Variants in FSD1L observed in about 807,000 individuals in gnomAD.
FSD1L encodes fibronectin type III and SPRY domain containing 1 like.
FSD1L carries 45 observed loss-of-function variants against 71.6 expected under a neutral mutation model. That is an observed-to-expected ratio of 0.63 (90% CI 0.49 to 0.81). The LOEUF is 0.81. FSD1L is among the 30% of genes least tolerant of loss of function. The pLI, the probability that FSD1L is intolerant of heterozygous loss-of-function variation, is 0.00. For missense variants in FSD1L, 561 were observed against 618.1 expected (o/e 0.91, Z 0.98); for synonymous variants, 197 against 207.2 (o/e 0.95, Z 0.42).
At chr9:105,542,086 A>G (rs1417359451) in intron 13 of FSD1L, among the ~76,000 whole-genome samples, 1 of 152,226 alleles carries the variant, frequency 6.6e-6, no homozygotes, top group Non-Finnish European at 1.5e-5. Flanking sequence ...ATAAGCATTT[A>G]CATATGGGAT....
chr9:105,506,440 G>A lies in FSD1L; in HGVS notation c.628G>A (p.Ala210Thr). ...GATAGATCCAGTAGAGTGTTTGGTG[G>A]CAGATAACTCTGTAACAGTGGCTTG... ...PEIDPVECLV[A>T]DNSVTVAWRM... is the part of the protein sequence containing the mutation. Residue 210 changes from alanine (A) to threonine (T), a missense_variant, in exon 8 of 14, where the codon GCA becomes ACA. By Grantham distance (58) the Ala-to-Thr change is moderately conservative. Transcript: ENST00000481272. The A allele has an allele frequency of 1.3e-6, 2 of 1,551,798 alleles. No homozygotes were observed. Among genetic ancestry groups the A allele is most frequent in the Non-Finnish European group, 8.7e-7 (1 of 1,146,994 alleles).
chr9:105,515,299 G>A (rs1834643685), intron 10 of FSD1L, among the ~76,000 whole-genome samples: 1 of 152,176 alleles, frequency 6.6e-6, no homozygotes, highest in Admixed American at 6.5e-5. Flanking sequence ...CTGGCTGGAA[G>A]TTTGTGGCTA....
At chr9:105,499,489 A>T (rs1833635857) in intron 7 of FSD1L, among the ~76,000 whole-genome samples, 1 of 151,234 alleles carries the variant, frequency 6.6e-6, no homozygotes, top group East Asian at 1.9e-4. Context: ...TGTCTGAGAG[A>T]GTTTTTATTT....
chr9:105,463,087 G>A (rs1212271650), intron 2 of FSD1L, among the ~76,000 whole-genome samples: 2 of 151,362 alleles, frequency 1.3e-5, no homozygotes, highest in Non-Finnish European at 2.9e-5. Context: ...GCAGTGAGCC[G>A]AGATCACGCC....
Position 105,546,358 on chromosome 9 carries a change from G to A in FSD1L, c.1468G>A (p.Val490Ile). The change falls in exon 14 of 14, where the codon GTA (valine) becomes ATA (isoleucine). Residue 490 changes from valine to isoleucine, a missense_variant and splice_region_variant. Val to Ile is a conservative substitution (Grantham distance 29). This residue lies in a region of FSD1L where 98 missense variants were observed against 102.3 expected (regional missense o/e 0.96). Transcript: ENST00000481272. Reference protein sequence around the residue: ...FTQPVLPGFMVWCGGLSLSTG... With the variant: ...FTQPVLPGFMIWCGGLSLSTG... ...GACAGGTTTTTTTGTCTTTTCTTAGGTATGGTGTGGTGGACTTTCTTTGAG... is the reference window on the plus strand; with the variant it reads ...GACAGGTTTTTTTGTCTTTTCTTAGATATGGTGTGGTGGACTTTCTTTGAG... 1 of 1,537,176 alleles carries A rather than the reference G, an allele frequency of 6.5e-7. No individual in the cohort carries two copies. The highest frequency in any genetic ancestry group is 1.4e-5 in the African/African-American group (1 of 72,088).
intron 6 of FSD1L, among the ~76,000 whole-genome samples, chr9:105,479,625 T>C (rs1445236385): frequency 6.6e-6 from 1 of 152,244 alleles, no homozygotes; most frequent in African/African-American, 2.4e-5. Context: ...TAGTTAGTTT[T>C]AGTTTTAGAA....
At chr9:105,450,455 C>G (rs1477386392) in intron 1 of FSD1L, among the ~76,000 whole-genome samples, 1 of 151,888 alleles carries the variant, frequency 6.6e-6, no homozygotes, top group African/African-American at 2.4e-5. Context: ...ATAGTTTGCT[C>G]TGTCTCCATT....
chr9:105,445,389 G>A (rs1829621278), upstream of FSD1L, among the ~76,000 whole-genome samples: 1 of 152,178 alleles, frequency 6.6e-6, no homozygotes, highest in Non-Finnish European at 1.5e-5. Context: ...GGAAGCTGGA[G>A]GCAAGGAGCC....
intron 10 of FSD1L, among the ~76,000 whole-genome samples, chr9:105,528,565 G>A (rs1484635547): frequency 1.3e-5 from 2 of 152,136 alleles, no homozygotes; most frequent in African/African-American, 4.8e-5. Context: ...GGTGTTGGGA[G>A]AACTGGCTAG....
intron 1 of FSD1L, among the ~76,000 whole-genome samples, chr9:105,457,909 A>G (rs779181406): frequency 1.3e-5 from 2 of 152,244 alleles, no homozygotes; most frequent in Non-Finnish European, 2.9e-5. Flanking sequence ...GCATACTGCA[A>G]GTGGCTTCCT....
At chr9:105,474,617 G>A (rs1218940152) in intron 5 of FSD1L, among the ~76,000 whole-genome samples, 5 of 152,202 alleles carry the variant, frequency 3.3e-5, no homozygotes, top group African/African-American at 9.6e-5. Context: ...TATATTGTTA[G>A]ATGTCTGGAA....
chr9:105,471,917 A>G lies in FSD1L; in HGVS notation c.353A>G (p.Gln118Arg). ...TTTTTTCCCTAGAGTCAGATTAGTCAATGTAATAATGCCCTGGAGAACTCT... is the reference window on the plus strand; with the variant it reads ...TTTTTTCCCTAGAGTCAGATTAGTCGATGTAATAATGCCCTGGAGAACTCT... ...KSQELQSQIS[Q>R]CNNALENSEE... Residue 118 changes from glutamine to arginine, a missense_variant, in exon 5 of 14, where the codon CAA (glutamine) becomes CGA (arginine). Physicochemically the swap from Gln to Arg is conservative, Grantham distance 43 (BLOSUM62 1). Transcript: ENST00000481272. 1 of 1,313,658 alleles carries G rather than the reference A, an allele frequency of 7.6e-7. No individual in the cohort carries two copies. The highest frequency in any genetic ancestry group is 9.9e-7 in the Non-Finnish European group (1 of 1,006,124). 81.4% of individuals were successfully genotyped at this position (1,313,658 alleles called of 1,614,324 possible). A position where few individuals can be genotyped will look rare whatever the true frequency, so the allele number is the denominator to read the frequency against.
At position 105,548,627 on chromosome 9, in the gene FSD1L, G is replaced by A. The variant is rs565270500; in HGVS notation, c.*2144G>A. 3 of 152,272 alleles carry A rather than the reference G, an allele frequency of 2.0e-5. No individual in the cohort carries two copies. Among genetic ancestry groups the A allele is most frequent in the East Asian group, 1.9e-4 (1 of 5,168 alleles). The allele number at this position is 152,272 out of a possible 1,614,324, so 9.4% of individuals were successfully genotyped here. ...GAGTATACATGATTCTTGTGTTCATGTTGTCATTTGAAACTCTTCACATAA... is the reference window on the plus strand; with the variant it reads ...GAGTATACATGATTCTTGTGTTCATATTGTCATTTGAAACTCTTCACATAA... On this transcript the variant is annotated 3_prime_UTR_variant, in exon 14 of 14. Transcript: ENST00000481272.
In FSD1L at chr9:105,522,149, C is replaced by A; in HGVS notation, c.1025+9213C>A. 5 of 1,613,924 alleles carry A rather than the reference C, an allele frequency of 3.1e-6. No individual in the cohort carries two copies. The South Asian group carries it at 5.5e-5, about 18-fold the overall frequency. On this transcript the variant is annotated intron_variant, in intron 10 of 13. Transcript: ENST00000481272. ...TTATAGTTGCCTGGATCAAAGCAAACCTAAATGTGTACATCTCCCGAGAAC... is the reference window on the plus strand; with the variant it reads ...TTATAGTTGCCTGGATCAAAGCAAAACTAAATGTGTACATCTCCCGAGAAC...
At chr9:105,482,613 A>G (rs1832283209) in intron 6 of FSD1L, among the ~76,000 whole-genome samples, 1 of 152,230 alleles carries the variant, frequency 6.6e-6, no homozygotes, top group Admixed American at 6.5e-5. Flanking sequence ...ACATGTCTAA[A>G]TACATGAAGT....
At chr9:105,516,867 C>CA (rs1205705642) in intron 10 of FSD1L, among the ~76,000 whole-genome samples, 1 of 152,114 alleles carries the variant, frequency 6.6e-6, no homozygotes, top group African/African-American at 2.4e-5. Context: ...TGGGTAATAA[C>CA]AAACTCCTCC....
intron 5 of FSD1L, among the ~76,000 whole-genome samples, chr9:105,477,247 A>G (rs377350923): frequency 8.5e-5 from 13 of 152,302 alleles, no homozygotes; most frequent in African/African-American, 3.1e-4. Flanking sequence ...ATATTTCTCT[A>G]AGTTTGAAAC....
Position 105,534,285 on chromosome 9 carries a change from CCTG to C in FSD1L, c.1026-205_1026-203del, listed in dbSNP as rs776759148. Among the ~76,000 whole-genome samples the C allele has an allele frequency of 1.3e-3, 192 of 152,066 alleles. 1 individual carries two copies. The highest frequency in any genetic ancestry group is 2.5e-3 in the Non-Finnish European group (170 of 68,002). On this transcript the variant is annotated intron_variant, in intron 10 of 13. Transcript: ENST00000481272. ...GTCTGCATGCCATTAGTGTTTTCAG[CCTG>C]CTTTGTATTGATAGCTTCTTACATT... is the stretch of plus-strand genomic sequence containing the variant.
intron 1 of FSD1L, among the ~76,000 whole-genome samples, chr9:105,453,239 C>T (rs985845603): frequency 2.6e-5 from 4 of 151,984 alleles, no homozygotes; most frequent in South Asian, 2.1e-4. Flanking sequence ...TAGAGTGCAG[C>T]GGTATGATCT....
Sources: allele counts gnomAD v4.1 joint callset (sites outside exome capture counted in the v4.1 genomes callset), GRCh38; gene constraint gnomAD v4.1.1; regional missense constraint gnomAD v4.1.1; transcripts MANE v1.5; gene names NCBI Gene and HGNC (gene_info 2026-07-23, HGNC 2026-07-21).